Variants in CDH13 observed in about 807,000 individuals in gnomAD.
The protein encoded by CDH13 is cadherin 13.
A neutral mutation model predicts 63.8 loss-of-function variants in CDH13; 24 were observed. The ratio of observed to expected loss-of-function variants is 0.38; its 90% CI spans 0.27 to 0.53. The LOEUF (loss-of-function observed/expected upper bound fraction) is 0.53, where lower values mean the gene tolerates loss of function less well. Among genes scored for constraint, CDH13 ranks in the 20% least tolerant of loss-of-function variants. CDH13 has a pLI of 0.85. For synonymous variants in CDH13, 503 were observed against 355.3 expected, an observed-to-expected ratio of 1.42 and a Z score of -4.67; for missense variants, 1,049 against 903.1, an observed-to-expected ratio of 1.16 and a Z score of -2.07.
intron 7 of CDH13, among the ~76,000 whole-genome samples, chr16:83,559,221 G>C (rs952911312): frequency 2.6e-5 from 4 of 152,184 alleles, no homozygotes; most frequent in African/African-American, 9.7e-5. Context: ...GAGTTGTTTT[G>C]ATGAGCCAGG....
intron 5 of CDH13, among the ~76,000 whole-genome samples, chr16:83,282,072 G>A (rs765307799): frequency 5.3e-5 from 8 of 152,046 alleles, no homozygotes; most frequent in Non-Finnish European, 1.0e-4. Flanking sequence ...CAGGGAATAG[G>A]GAGTCCCAAG....
chr16:83,161,874 G>A (rs745982020), intron 4 of CDH13, among the ~76,000 whole-genome samples: 2 of 152,110 alleles, frequency 1.3e-5, no homozygotes, highest in South Asian at 2.1e-4. Context: ...GTTATTCAGG[G>A]ACACTGCAAC....
intron 5 of CDH13, among the ~76,000 whole-genome samples, chr16:83,247,226 A>G (rs1440078744): frequency 6.6e-6 from 1 of 152,174 alleles, no homozygotes; most frequent in Non-Finnish European, 1.5e-5. Context: ...GTGTAAGCCC[A>G]CTAGAAGGAG....
chr16:83,316,184 C>G (rs370159294), intron 5 of CDH13, among the ~76,000 whole-genome samples: 18 of 152,114 alleles, frequency 1.2e-4, no homozygotes, highest in Non-Finnish European at 1.9e-4. Flanking sequence ...CATGGGGGAA[C>G]CACCCCCATG....
intron 2 of CDH13, among the ~76,000 whole-genome samples, chr16:82,959,123 C>T (rs1293480681): frequency 2.6e-5 from 4 of 152,198 alleles, no homozygotes; most frequent in Non-Finnish European, 4.4e-5. Flanking sequence ...TTATCTTTCA[C>T]AGTTATGGCA....
At chr16:83,770,214 G>C (rs1731047083) in intron 11 of CDH13, among the ~76,000 whole-genome samples, 1 of 152,144 alleles carries the variant, frequency 6.6e-6, no homozygotes, top group Non-Finnish European at 1.5e-5. Flanking sequence ...TGGCCATGTA[G>C]GTAAGAAAAG....
At chr16:83,451,317 T>C (rs954076353) in intron 6 of CDH13, among the ~76,000 whole-genome samples, 1 of 152,058 alleles carries the variant, frequency 6.6e-6, no homozygotes. Context: ...AGAGAAAGCA[T>C]GTACAGGGAA....
chr16:83,202,934 T>C (rs2039073727), intron 4 of CDH13, among the ~76,000 whole-genome samples: 1 of 152,114 alleles, frequency 6.6e-6, no homozygotes, highest in African/African-American at 2.4e-5. Flanking sequence ...GCTGAAAAAC[T>C]TCCTTTTGGG....
At chr16:83,484,922 G>C (rs1355577381) in intron 6 of CDH13, among the ~76,000 whole-genome samples, 4 of 152,160 alleles carry the variant, frequency 2.6e-5, no homozygotes, top group Non-Finnish European at 5.9e-5. Flanking sequence ...CCATGACAAG[G>C]TCAATGGGAA....
chr16:82,965,681 C>T (rs913054189), intron 2 of CDH13, among the ~76,000 whole-genome samples: 4 of 152,212 alleles, frequency 2.6e-5, no homozygotes, highest in African/African-American at 4.8e-5. Flanking sequence ...TTAGTAGTGA[C>T]GGGGTTTCAC....
At chr16:83,701,128 T>C (rs1792470315) in intron 10 of CDH13, among the ~76,000 whole-genome samples, 1 of 152,010 alleles carries the variant, frequency 6.6e-6, no homozygotes, top group Non-Finnish European at 1.5e-5. Context: ...GCAGGTTACA[T>C]TCCTTGCCGA....
chr16:82,745,558 C>G (rs563565753), intron 1 of CDH13, among the ~76,000 whole-genome samples: 2 of 152,204 alleles, frequency 1.3e-5, no homozygotes, highest in South Asian at 2.1e-4. Context: ...GAGCCAAGAT[C>G]ACGCCACTGA....
rs79248092 is a variant in CDH13, at chr16:83,253,168, G to C, written c.636+35671G>C. On this transcript the variant is annotated intron_variant, in intron 5 of 13. Transcript: ENST00000567109. ...CTTCAAATCAAGCTGCATTTGAAAA[G>C]TTGCATTTTTTGGTATCAAAGTCCT... 6.9e-3 allele frequency among the ~76,000 whole-genome samples: 1,046 copies of C among 152,214 alleles called. 14 individuals are homozygous for C. Among genetic ancestry groups the C allele is most frequent in the African/African-American group, 0.024 (996 of 41,536 alleles).
intron 7 of CDH13, among the ~76,000 whole-genome samples, chr16:83,530,995 C>T (rs1458134424): frequency 6.6e-6 from 1 of 152,136 alleles, no homozygotes; most frequent in Non-Finnish European, 1.5e-5. Context: ...CATTTCCTGT[C>T]CTCTAAAGGG....
chr16:83,408,337 G>A (rs898209393), intron 6 of CDH13, among the ~76,000 whole-genome samples: 1 of 152,126 alleles, frequency 6.6e-6, no homozygotes, highest in African/African-American at 2.4e-5. Context: ...CTTCTGAGAA[G>A]GTATCATTAG....
intron 2 of CDH13, among the ~76,000 whole-genome samples, chr16:82,997,163 A>G (rs545245088): frequency 6.8e-6 from 1 of 146,658 alleles, no homozygotes; most frequent in Non-Finnish European, 1.5e-5. Flanking sequence ...TGGTGATGAT[A>G]GTGATGGTGA....
intron 6 of CDH13, among the ~76,000 whole-genome samples, chr16:83,458,764 G>T (rs919518736): frequency 6.6e-6 from 1 of 152,054 alleles, no homozygotes; most frequent in African/African-American, 2.4e-5. Flanking sequence ...CCAATGGTGC[G>T]ATTGCTCATT....
At chr16:82,724,759 C>G (rs528091152) in intron 1 of CDH13, among the ~76,000 whole-genome samples, 6 of 152,226 alleles carry the variant, frequency 3.9e-5, no homozygotes, top group Admixed American at 2.0e-4. Flanking sequence ...GGAAGGCACC[C>G]AGATGATCCA....
chr16:83,713,471 G>A (rs1374597458), intron 10 of CDH13, among the ~76,000 whole-genome samples: 1 of 151,142 alleles, frequency 6.6e-6, no homozygotes, highest in Non-Finnish European at 1.5e-5. Flanking sequence ...CACGAACCAA[G>A]TAGGTAGATA....
Sources: gnomAD v4.1 joint callset for allele counts (sites outside exome capture counted in the v4.1 genomes callset) on GRCh38, gnomAD v4.1.1 for gene constraint, MANE v1.5 for transcripts, NCBI Gene and HGNC (gene_info 2026-07-23, HGNC 2026-07-21) for gene names.